The following AK9 variants were observed in gnomAD, a reference collection of about 807,000 sequenced individuals.
AK9 encodes the protein adenylate kinase domain containing 1.
In AK9, 191 loss-of-function variants were observed where a neutral mutation model predicts 239.6. The ratio of observed to expected loss-of-function variants is 0.80; its 90% CI spans 0.71 to 0.90. AK9 has a LOEUF of 0.90. AK9 is among the 40% of genes least tolerant of loss of function. AK9 has a pLI of 0.00. For synonymous variants in AK9, 689 were observed against 721.0 expected (o/e 0.96, Z 0.71); for missense variants, 1,995 against 2,214.7 (o/e 0.90, Z 1.99).
chr6:109,581,625 T>C (rs911270885), intron 19 of AK9, among the ~76,000 whole-genome samples: 4 of 152,112 alleles, frequency 2.6e-5, no homozygotes, highest in African/African-American at 9.7e-5. Context: ...CTAGCAGAAG[T>C]TGGTTCATGA....
At chr6:109,558,753 C>T (rs1785324383) in intron 24 of AK9, among the ~76,000 whole-genome samples, 1 of 151,768 alleles carries the variant, frequency 6.6e-6, no homozygotes, top group Non-Finnish European at 1.5e-5. Flanking sequence ...TTATAAGTTT[C>T]TACCAAACAG....
chr6:109,536,898 G>T (rs1225742184), intron 27 of AK9, among the ~76,000 whole-genome samples: 1 of 152,152 alleles, frequency 6.6e-6, no homozygotes, highest in African/African-American at 2.4e-5. Flanking sequence ...TTATATGCTG[G>T]TTTGTGTTTA....
intron 35 of AK9, among the ~76,000 whole-genome samples, chr6:109,499,759 C>T (rs13203587): frequency 0.35 from 52,502 of 151,900 alleles, 9,548 homozygotes; most frequent in South Asian, 0.44. Flanking sequence ...CCATCACAGA[C>T]GGCTAATTTT....
At position 109,533,438 on chromosome 6, in the gene AK9, C is replaced by T. The variant is rs149657724; in HGVS notation, c.3383G>A (p.Arg1128Gln). The change falls in exon 28 of 41, where the codon CGA (arginine) becomes CAA (glutamine). Residue 1128 changes from arginine to glutamine, a missense_variant. Coordinates refer to ENST00000424296, the MANE Select transcript of AK9 (RefSeq NM_001145128.3). The stretch of plus-strand genomic sequence containing the variant: ...CAAAAACTGGGCCTCTTCTGGATAT[C>T]GTGGGAAACCATCTAATATAAAACC... ...STGFILDGFPRYPEEAQFLGD... is the reference protein window; with the variant it reads ...STGFILDGFPQYPEEAQFLGD... 153 of 1,602,222 alleles carry T rather than the reference C, an allele frequency of 9.5e-5. No individual in the cohort carries two copies. Among genetic ancestry groups the T allele is most frequent in the Middle Eastern group, 1.7e-4 (1 of 5,996 alleles).
Position 109,691,185 on chromosome 6 carries a change from C to A in AK9, c.-50G>T. The A allele has an allele frequency of 1.7e-6, 1 of 582,236 alleles. No homozygotes were observed. Among genetic ancestry groups the A allele is most frequent in the Non-Finnish European group, 3.1e-6 (1 of 325,068 alleles). 36.1% of individuals were successfully genotyped at this position (582,236 alleles called of 1,614,324 possible). A position where few individuals can be genotyped will look rare whatever the true frequency, so the allele number is the denominator to read the frequency against. ...CTTCGCTTCCTCTCTCGGCAGCACG[C>A]AGGTCCCGGGAGCCTCTACCCGACC... On this transcript the variant is annotated 5_prime_UTR_variant, in exon 1 of 41. Coordinates refer to ENST00000424296, the MANE Select transcript of AK9 (RefSeq NM_001145128.3).
At chr6:109,587,219 T>G (rs115956636) in intron 17 of AK9, among the ~76,000 whole-genome samples, 40 of 152,340 alleles carry the variant, frequency 2.6e-4, no homozygotes, top group African/African-American at 9.6e-4. Flanking sequence ...AGAAGACCTA[T>G]AAATGGTTAA....
In AK9 at chr6:109,536,082, A is replaced by C. The variant is rs556959088; in HGVS notation, c.3351-2612T>G. Among the ~76,000 whole-genome samples, 3 of 152,288 alleles carry C rather than the reference A, an allele frequency of 2.0e-5. No individual in the cohort carries two copies. In the East Asian group the frequency reaches 5.8e-4, roughly 29 times the overall value. On this transcript the variant is annotated intron_variant, in intron 27 of 40. Coordinates refer to ENST00000424296, the MANE Select transcript of AK9 (RefSeq NM_001145128.3). ...TCTTTTGGCTTAGGATTAACTTGGCAATGCAGGCTCTTTTTTGGTTCCATA... is the reference window on the plus strand; with the variant it reads ...TCTTTTGGCTTAGGATTAACTTGGCCATGCAGGCTCTTTTTTGGTTCCATA...
Position 109,516,603 on chromosome 6 carries a change from G to T in AK9, c.3673C>A (p.Leu1225Ile), listed in dbSNP as rs1779298288. The change falls in exon 30 of 41, where the codon CTT (leucine) becomes ATT (isoleucine). Residue 1225 changes from leucine (L) to isoleucine (I), a missense_variant. This residue lies in a region of AK9 where 1,290 missense variants were observed against 1,392.7 expected (regional missense o/e 0.93). Coordinates refer to ENST00000424296, the MANE Select transcript of AK9 (RefSeq NM_001145128.3). ...RDDEEISEEELEEDNDDIENI... is the reference protein window; with the variant it reads ...RDDEEISEEEIEEDNDDIENI... ...TCAATATCATCATTGTCTTCTTCAA[G>T]TTCTTCCTCACTAATCTCTTCATCA... is the stretch of plus-strand genomic sequence containing the variant. 3.2e-6 allele frequency: 5 copies of T among 1,550,438 alleles called. No individual in the cohort carries two copies. Among genetic ancestry groups the T allele is most frequent in the Non-Finnish European group, 4.4e-6 (5 of 1,146,836 alleles).
chr6:109,520,983 T>C (rs1247684474), intron 29 of AK9, among the ~76,000 whole-genome samples: 2 of 152,144 alleles, frequency 1.3e-5, no homozygotes, highest in East Asian at 3.8e-4. Context: ...AGTTGTTTAT[T>C]AGTTTCAGTG....
intron 26 of AK9, among the ~76,000 whole-genome samples, chr6:109,543,368 A>G (rs965850385): frequency 8.5e-5 from 13 of 152,128 alleles, no homozygotes; most frequent in Non-Finnish European, 2.9e-5. Flanking sequence ...AAGAAAACCA[A>G]ACAAAAAACT....
At chr6:109,629,788 G>A (rs959442738) in intron 12 of AK9, among the ~76,000 whole-genome samples, 10 of 151,870 alleles carry the variant, frequency 6.6e-5, no homozygotes, top group African/African-American at 2.4e-4. Context: ...GCCCGTCACC[G>A]TGCCCGGCTA....
chr6:109,646,581 G>C (rs4454171), intron 8 of AK9, among the ~76,000 whole-genome samples: 4,382 of 152,184 alleles, frequency 0.029, 99 homozygotes, highest in East Asian at 0.11. Flanking sequence ...AAGAAATATG[G>C]GACTATGTGA....
rs576123993 is a variant in AK9, at chr6:109,680,764, A to T, written c.-11-5008T>A. Among the ~76,000 whole-genome samples the T allele has an allele frequency of 1.3e-4, 20 of 152,294 alleles. No individual in the cohort carries two copies. The South Asian group carries it at 4.1e-3, about 32-fold the overall frequency. ...AGACTAACAGTGGATCTCTGCAGAA[A>T]CCCTACAAGCCAGAAGAGAGTGGGG... On this transcript the variant is annotated intron_variant, in intron 1 of 40. Coordinates refer to ENST00000424296, the MANE Select transcript of AK9 (RefSeq NM_001145128.3).
intron 35 of AK9, among the ~76,000 whole-genome samples, chr6:109,499,880 A>G (rs1777425815): frequency 2.0e-5 from 3 of 152,192 alleles, no homozygotes; most frequent in African/African-American, 7.2e-5. Context: ...GATTACAGGC[A>G]TGAGCCTTCC....
intron 7 of AK9, 41 bp downstream of exon 7, chr6:109,659,187 T>A: frequency 1.4e-6 from 2 of 1,466,130 alleles, no homozygotes; most frequent in Non-Finnish European, 9.0e-7. Flanking sequence ...ATAGCAATTT[T>A]AAAAAGTGTA....
chr6:109,666,117 C>G (rs1267134147), intron 5 of AK9, among the ~76,000 whole-genome samples: 3 of 152,192 alleles, frequency 2.0e-5, no homozygotes, highest in Non-Finnish European at 4.4e-5. Context: ...ATGTTCTGAG[C>G]TATGAATTGT....
At chr6:109,637,014 C>T (rs1369812147) in intron 10 of AK9, among the ~76,000 whole-genome samples, 2 of 152,110 alleles carry the variant, frequency 1.3e-5, no homozygotes, top group Non-Finnish European at 2.9e-5. Flanking sequence ...TTTTACATCC[C>T]CACAAACAAT....
At chr6:109,636,358 G>C (rs541098704) in intron 10 of AK9, among the ~76,000 whole-genome samples, 12 of 152,148 alleles carry the variant, frequency 7.9e-5, no homozygotes, top group African/African-American at 2.7e-4. Context: ...GAATCTCCTA[G>C]GGAAGATTTT....
At chr6:109,598,354 A>G (rs1203412990) in intron 17 of AK9, among the ~76,000 whole-genome samples, 1 of 151,842 alleles carries the variant, frequency 6.6e-6, no homozygotes. Flanking sequence ...ATAGTTTGCT[A>G]AGAATGATGG....
Sources: gnomAD v4.1 joint callset for allele counts (sites outside exome capture counted in the v4.1 genomes callset) on GRCh38, gnomAD v4.1.1 for gene constraint, gnomAD v4.1.1 regional missense constraint, MANE v1.5 for transcripts, NCBI Gene and HGNC (gene_info 2026-07-23, HGNC 2026-07-21) for gene names.